Variants in IL1RAPL1 observed in about 807,000 individuals in gnomAD.
The protein encoded by IL1RAPL1 is interleukin-1 receptor accessory protein-like 1.
A neutral mutation model predicts 48.4 loss-of-function variants in IL1RAPL1; 3 were observed. That is an observed-to-expected ratio of 0.06 (90% confidence interval 0.03 to 0.16). The LOEUF (loss-of-function observed/expected upper bound fraction) is 0.16. Ranked by LOEUF, IL1RAPL1 falls within the 10% of genes least tolerant of loss-of-function variation. The pLI, the probability that IL1RAPL1 is intolerant of heterozygous loss-of-function variation, is 1.00. For synonymous variants in IL1RAPL1, 185 were observed against 187.7 expected, an observed-to-expected ratio of 0.99 and a Z score of 0.12; for missense variants, 349 against 530.6, an observed-to-expected ratio of 0.66 and a Z score of 3.36.
At chrX:29,249,200 A>G in intron 2 of IL1RAPL1, among the ~76,000 whole-genome samples, 1 of 111,568 alleles carries the variant, frequency 9.0e-6, no homozygotes. Flanking sequence ...TTACTTTTCA[A>G]TTTACACAGT....
chrX:28,722,785 G>A (rs1419372138), intron 1 of IL1RAPL1, among the ~76,000 whole-genome samples: 1 of 111,392 alleles, frequency 9.0e-6, no homozygotes, highest in Non-Finnish European at 1.9e-5. Flanking sequence ...CTAATTTATT[G>A]AGTGTTTTTA....
chrX:29,682,508 A>C (rs1429466862), intron 6 of IL1RAPL1, among the ~76,000 whole-genome samples: 1 of 111,616 alleles, frequency 9.0e-6, no homozygotes, highest in African/African-American at 3.3e-5. Context: ...GGCAGAATTA[A>C]ATACCACCTC....
rs1022109870 is a variant in IL1RAPL1, at chrX:29,775,272, G to T, written c.778+106768G>T. The stretch of plus-strand genomic sequence containing the variant: ...CAAGTGAGTTGAAGAGCTGGGTAAA[G>T]AATAGAAATTTCCTCTGAGTTATTA... On this transcript the variant is annotated intron_variant, in intron 6 of 10. Coordinates refer to ENST00000378993, the MANE Select transcript of IL1RAPL1 (RefSeq NM_014271.4). Among the ~76,000 whole-genome samples, 16 of 111,486 alleles carry T rather than the reference G, an allele frequency of 1.4e-4. 1 individual carries two copies. Among genetic ancestry groups the T allele is most frequent in the Admixed American group, 7.7e-4 (8 of 10,431 alleles).
At chrX:29,198,358 A>G (rs1183722171) in intron 2 of IL1RAPL1, among the ~76,000 whole-genome samples, 1 of 109,120 alleles carries the variant, frequency 9.2e-6, no homozygotes, top group African/African-American at 3.4e-5. Context: ...ATGCAGTGGC[A>G]TGATCTCGGC....
chrX:29,416,818 T>C (rs777663911), intron 5 of IL1RAPL1, among the ~76,000 whole-genome samples: 1 of 111,802 alleles, frequency 8.9e-6, no homozygotes, highest in South Asian at 3.7e-4. Flanking sequence ...CTGTATTCTT[T>C]GGAGGTTTTA....
intron 3 of IL1RAPL1, among the ~76,000 whole-genome samples, chrX:29,379,685 T>TCAGA (rs1933669782): frequency 8.9e-6 from 1 of 111,747 alleles, no homozygotes; most frequent in Non-Finnish European, 1.9e-5. Context: ...TCAGGTACCT[T>TCAGA]ATACACGGTT....
intron 5 of IL1RAPL1, among the ~76,000 whole-genome samples, chrX:29,637,525 G>T (rs1294276237): frequency 9.0e-6 from 1 of 111,023 alleles, no homozygotes; most frequent in Non-Finnish European, 1.9e-5. Flanking sequence ...ATTGGAGAAG[G>T]TATATATGTA....
At chrX:28,771,887 C>T (rs1164673792) in intron 1 of IL1RAPL1, among the ~76,000 whole-genome samples, 1 of 97,402 alleles carries the variant, frequency 1.0e-5, no homozygotes, top group African/African-American at 3.8e-5. Context: ...GCCGAGATTG[C>T]GCCACTGCAG....
intron 6 of IL1RAPL1, among the ~76,000 whole-genome samples, chrX:29,895,803 G>C (rs1601871394): frequency 8.9e-6 from 1 of 111,918 alleles, no homozygotes; most frequent in East Asian, 2.8e-4. Context: ...TATCCAAATG[G>C]AGATGTCCAT....
intron 2 of IL1RAPL1, among the ~76,000 whole-genome samples, chrX:29,217,405 T>C (rs1930890561): frequency 1.8e-5 from 2 of 112,555 alleles, no homozygotes; most frequent in Non-Finnish European, 3.8e-5. Context: ...GACAATGTTA[T>C]AGCTGTTACA....
At chrX:28,855,405 G>T (rs929831606) in intron 2 of IL1RAPL1, among the ~76,000 whole-genome samples, 1 of 110,998 alleles carries the variant, frequency 9.0e-6, no homozygotes. Flanking sequence ...AGAAAAAAAA[G>T]ATCATATAAT....
At chrX:29,815,269 G>A (rs552631062) in intron 6 of IL1RAPL1, among the ~76,000 whole-genome samples, 1 of 111,450 alleles carries the variant, frequency 9.0e-6, no homozygotes, top group Non-Finnish European at 1.9e-5. Context: ...GCAGTGTTTT[G>A]TAGTTGTCCT....
At chrX:28,762,786 GCA>G (rs759005946) in intron 1 of IL1RAPL1, among the ~76,000 whole-genome samples, 2,960 of 62,816 alleles carry the variant, frequency 0.047, 59 homozygotes, top group Non-Finnish European at 0.065. Context: ...GCACGCGCGC[GCA>G]CACACACACA....
chrX:29,350,255 C>T (rs945746651), intron 3 of IL1RAPL1, among the ~76,000 whole-genome samples: 9 of 81,294 alleles, frequency 1.1e-4, no homozygotes, highest in Admixed American at 9.5e-4. Flanking sequence ...TGGATACACC[C>T]CCCCCCCCAC....
chrX:28,679,241 A>G (rs1935031355), intron 1 of IL1RAPL1, among the ~76,000 whole-genome samples: 1 of 111,680 alleles, frequency 9.0e-6, no homozygotes, highest in African/African-American at 3.2e-5. Flanking sequence ...TCTTATTTGT[A>G]TGTCTTCTTT....
intron 2 of IL1RAPL1, among the ~76,000 whole-genome samples, chrX:29,130,403 G>T (rs1444692379): frequency 8.9e-6 from 1 of 111,971 alleles, no homozygotes; most frequent in East Asian, 2.8e-4. Flanking sequence ...ACAAAGAGTT[G>T]TTAATAAGTC....
intron 8 of IL1RAPL1, among the ~76,000 whole-genome samples, chrX:29,925,410 C>CTTTTTTTTT (rs1569204989): frequency 6.6e-4 from 4 of 6,064 alleles, no homozygotes; most frequent in Admixed American, 2.9e-3. Flanking sequence ...TGTCCCGTAA[C>CTTTTTTTTT]TGTTTTTTTT....
intron 2 of IL1RAPL1, among the ~76,000 whole-genome samples, chrX:29,272,818 G>A (rs1276181665): frequency 9.0e-6 from 1 of 111,486 alleles, no homozygotes; most frequent in Non-Finnish European, 1.9e-5. Flanking sequence ...CATATTTCTT[G>A]GAGGTTTTGT....
chrX:29,830,257 T>C (rs756729201), intron 6 of IL1RAPL1, among the ~76,000 whole-genome samples: 1 of 111,768 alleles, frequency 8.9e-6, no homozygotes, highest in Non-Finnish European at 1.9e-5. Context: ...AAAAATGACA[T>C]TGATAAAAGT....
Sources: allele counts gnomAD v4.1 joint callset (sites outside exome capture counted in the v4.1 genomes callset), GRCh38; gene constraint gnomAD v4.1.1; transcripts MANE v1.5; gene names NCBI Gene and HGNC (gene_info 2026-07-23, HGNC 2026-07-21).